The following DNAJC1 variants were observed in gnomAD, a reference collection of about 807,000 sequenced individuals.
DNAJC1 encodes the protein dnaJ homolog subfamily C member 1.
Under a neutral mutation model 76.6 loss-of-function variants are expected in DNAJC1, and 58 were observed. The ratio of observed to expected loss-of-function variants is 0.76; its 90% CI spans 0.61 to 0.94. DNAJC1 has a LOEUF of 0.94. Ranked by LOEUF, DNAJC1 falls within the 40% of genes least tolerant of loss-of-function variation. The pLI is 0.00. For missense variants in DNAJC1, 689 were observed against 677.3 expected (o/e 1.02, Z -0.19); for synonymous variants, 258 against 267.9 (o/e 0.96, Z 0.36).
intron 1 of DNAJC1, among the ~76,000 whole-genome samples, chr10:21,957,513 C>A (rs1361761124): frequency 6.6e-6 from 1 of 152,132 alleles, no homozygotes; most frequent in Non-Finnish European, 1.5e-5. Context: ...TATAGCTCCA[C>A]TGAGTTAATT....
chr10:21,854,127 C>G (rs59642781), intron 8 of DNAJC1, among the ~76,000 whole-genome samples: 1,847 of 152,142 alleles, frequency 0.012, 40 homozygotes, highest in African/African-American at 0.042. Context: ...GCCATGAACT[C>G]AACCATCAGG....
chr10:21,963,130 A>G (rs937870685), intron 1 of DNAJC1, among the ~76,000 whole-genome samples: 1 of 152,242 alleles, frequency 6.6e-6, no homozygotes, highest in Non-Finnish European at 1.5e-5. Context: ...AATATCATAT[A>G]GCAGGTAAAA....
At chr10:21,786,762 T>C (rs966325605) in intron 9 of DNAJC1, among the ~76,000 whole-genome samples, 1 of 152,112 alleles carries the variant, frequency 6.6e-6, no homozygotes, top group Non-Finnish European at 1.5e-5. Context: ...TGAGCCACTG[T>C]GCCTGGACTA....
At chr10:21,819,755 C>T (rs545941574) in intron 8 of DNAJC1, among the ~76,000 whole-genome samples, 2 of 152,064 alleles carry the variant, frequency 1.3e-5, no homozygotes, top group East Asian at 1.9e-4. Flanking sequence ...CATGGTGAAA[C>T]ACCATCTCTA....
At chr10:21,788,852 G>A (rs1834645447) in intron 9 of DNAJC1, among the ~76,000 whole-genome samples, 1 of 152,062 alleles carries the variant, frequency 6.6e-6, no homozygotes. Flanking sequence ...GCTCCCCAGG[G>A]GTAGCATCAC....
chr10:21,895,843 G>C (rs1480841804), intron 7 of DNAJC1, among the ~76,000 whole-genome samples: 2 of 152,180 alleles, frequency 1.3e-5, no homozygotes, highest in African/African-American at 4.8e-5. Context: ...CAAAACACTT[G>C]TGAAACCATG....
At chr10:21,953,216 T>C (rs553704994) in intron 1 of DNAJC1, among the ~76,000 whole-genome samples, 23 of 152,184 alleles carry the variant, frequency 1.5e-4, no homozygotes, top group Middle Eastern at 3.4e-3. Flanking sequence ...TATGTTCTCT[T>C]GGGAACTCAA....
intron 1 of DNAJC1, among the ~76,000 whole-genome samples, chr10:21,948,629 T>C (rs1364806241): frequency 6.6e-6 from 1 of 152,220 alleles, no homozygotes; most frequent in Non-Finnish European, 1.5e-5. Context: ...TATTATAGTA[T>C]ATTGTTGTAA....
At chr10:21,832,368 T>C (rs1835372361) in intron 8 of DNAJC1, among the ~76,000 whole-genome samples, 1 of 152,226 alleles carries the variant, frequency 6.6e-6, no homozygotes. Flanking sequence ...AGTAGTTACA[T>C]CTCTAGTTCT....
At position 21,818,339 on chromosome 10, in the gene DNAJC1, T is replaced by C. The variant is rs1835106540; in HGVS notation, c.979-12240A>G. Among the ~76,000 whole-genome samples, 6 of 152,308 alleles carry C rather than the reference T, an allele frequency of 3.9e-5. No homozygotes were observed. The South Asian group carries it at 1.2e-3, about 32-fold the overall frequency. On this transcript the variant is annotated intron_variant, in intron 8 of 11. Coordinates refer to ENST00000376980, the MANE Select transcript of DNAJC1 (RefSeq NM_022365.4). Reference sequence around the variant, plus strand: ...CCTAATAAATTTTTGGTCAGACCAGTTGTCTGCTCTCAAACCCTGTCTCCT... The same window carrying C: ...CCTAATAAATTTTTGGTCAGACCAGCTGTCTGCTCTCAAACCCTGTCTCCT...
chr10:21,924,221 A>G (rs1326461242), intron 3 of DNAJC1, among the ~76,000 whole-genome samples: 15 of 152,116 alleles, frequency 9.9e-5, no homozygotes, highest in Admixed American at 9.8e-4. Context: ...CTATTCTCAG[A>G]CTAATGGTTA....
chr10:21,997,893 T>C (rs927399288), intron 1 of DNAJC1, among the ~76,000 whole-genome samples: 1 of 152,316 alleles, frequency 6.6e-6, no homozygotes, highest in African/African-American at 2.4e-5. Flanking sequence ...TCTAGCTACA[T>C]AAATAGAAGT....
At chr10:21,884,886 C>A (rs902990500) in intron 7 of DNAJC1, among the ~76,000 whole-genome samples, 1 of 152,008 alleles carries the variant, frequency 6.6e-6, no homozygotes, top group African/African-American at 2.4e-5. Flanking sequence ...GCACTAAATA[C>A]AGAAATGAAA....
At chr10:21,803,727 G>T in intron 9 of DNAJC1, 1 of 608,622 alleles carries the variant, frequency 1.6e-6, no homozygotes, top group Non-Finnish European at 2.1e-6. Flanking sequence ...GAATGAAAAT[G>T]CAGTGTGGGT....
chr10:21,767,621 T>C (rs1834316604), intron 9 of DNAJC1, among the ~76,000 whole-genome samples: 1 of 152,048 alleles, frequency 6.6e-6, no homozygotes. Flanking sequence ...ATTTACAGAG[T>C]GTAATGTGCA....
At chr10:21,975,338 T>C (rs1248475909) in intron 1 of DNAJC1, among the ~76,000 whole-genome samples, 1 of 151,250 alleles carries the variant, frequency 6.6e-6, no homozygotes, top group Non-Finnish European at 1.5e-5. Flanking sequence ...AATAAATAAA[T>C]GAGAAAGAGA....
chr10:21,805,599 T>C lies in DNAJC1; in HGVS notation c.1098+381A>G, dbSNP rs943778586. ...AATTAATCAGAACCACCTGTCTAAA[T>C]AGCAATCGCAATCTGTACTTCAATG... On this transcript the variant is annotated intron_variant, in intron 9 of 11. Transcript: ENST00000376980. Among the ~76,000 whole-genome samples, 4 of 152,072 alleles carry C rather than the reference T, an allele frequency of 2.6e-5. No individual in the cohort carries two copies. The South Asian group carries it at 8.3e-4, about 32-fold the overall frequency.
At chr10:21,797,622 A>C (rs1047328640) in intron 9 of DNAJC1, among the ~76,000 whole-genome samples, 2 of 152,254 alleles carry the variant, frequency 1.3e-5, no homozygotes, top group African/African-American at 4.8e-5. Context: ...CAATTAGCTC[A>C]GGAGGCCTCT....
At chr10:21,823,171 A>G (rs534826267) in intron 8 of DNAJC1, among the ~76,000 whole-genome samples, 1 of 152,292 alleles carries the variant, frequency 6.6e-6, no homozygotes, top group Non-Finnish European at 1.5e-5. Flanking sequence ...CAAAATCACA[A>G]GCGAAATCTA....
Sources: gnomAD v4.1 joint callset for allele counts (sites outside exome capture counted in the v4.1 genomes callset) on GRCh38, gnomAD v4.1.1 for gene constraint, MANE v1.5 for transcripts, NCBI Gene and HGNC (gene_info 2026-07-23, HGNC 2026-07-21) for gene names.